FRY: variants seen among roughly 807,000 people sequenced by gnomAD.
The protein encoded by FRY is protein furry homolog.
Under a neutral mutation model 348.4 loss-of-function variants are expected in FRY, and 128 were observed. The observed-to-expected ratio is 0.37, with a 90% CI of 0.32 to 0.43. FRY has a LOEUF of 0.43. Among genes scored for constraint, FRY ranks in the 20% least tolerant of loss-of-function variants. The pLI, the probability that FRY is intolerant of heterozygous loss-of-function variation, is 1.00. For synonymous variants in FRY, 1,370 were observed against 1,374.7 expected (o/e 1.00, Z 0.08); for missense variants, 2,736 against 3,695.2 (o/e 0.74, Z 6.73).
In FRY at chr13:32,179,742, T is replaced by A; in HGVS notation, c.2939T>A (p.Ile980Asn). 6.2e-7 allele frequency: 1 copy of A among 1,613,476 alleles called. No homozygotes were observed. The highest frequency in any genetic ancestry group is 1.1e-5 in the South Asian group (1 of 91,074). ...QLVPLMRLESIEITESLVLGF... is the reference protein window; with the variant it reads ...QLVPLMRLESNEITESLVLGF... ...GTGCCTTTGATGAGACTAGAGAGCA[T>A]TGAGATCACAGAGTCCTTAGTTTTA... The change falls in exon 23 of 61, where the codon ATT becomes AAT. Residue 980 changes from isoleucine (I) to asparagine (N), a missense_variant. Around this residue, in one of 9 missense-constraint regions of FRY, gnomAD observed 449 missense variants for 576.9 expected, o/e 0.78. Coordinates refer to ENST00000542859, the MANE Select transcript of FRY (RefSeq NM_023037.3).
At chr13:32,161,392 A>G (rs1881436684) in intron 17 of FRY, 141 bp downstream of exon 17, 5 of 694,414 alleles carry the variant, frequency 7.2e-6, no homozygotes, top group East Asian at 2.7e-5. Flanking sequence ...CAAATTTTTA[A>G]AAATTATTTT....
Position 32,228,595 on chromosome 13 carries a change from G to A in FRY, c.5346G>A (p.Val1782=). 6.2e-6 allele frequency: 10 copies of A among 1,614,082 alleles called. No homozygotes were observed. The highest frequency in any genetic ancestry group is 8.5e-6 in the Non-Finnish European group (10 of 1,179,976). The change falls in exon 40 of 61, where the codon GTG becomes GTA. Residue 1782 remains valine, a synonymous_variant. Transcript: ENST00000542859. ...AGATGACCCAGGAGGTAGAAGATGTGGACACAGCTGCTGAAACAGATGAGA... is the reference window on the plus strand; with the variant it reads ...AGATGACCCAGGAGGTAGAAGATGTAGACACAGCTGCTGAAACAGATGAGA... ...LPQMTQEVED[V]DTAAETDEKA...
At chr13:32,180,389 C>CA (rs113158547) in intron 23 of FRY, among the ~76,000 whole-genome samples, 8 of 152,328 alleles carry the variant, frequency 5.3e-5, no homozygotes, top group African/African-American at 1.9e-4. Flanking sequence ...CCCGCGCCAC[C>CA]ACATCCAGCT....
At chr13:32,150,083 C>A (rs1390975510) in intron 14 of FRY, among the ~76,000 whole-genome samples, 1 of 152,174 alleles carries the variant, frequency 6.6e-6, no homozygotes, top group Non-Finnish European at 1.5e-5. Context: ...CAAAGTAATT[C>A]TTGCCCAAAA....
At chr13:32,252,813 C>T (rs1023294911) in intron 50 of FRY, among the ~76,000 whole-genome samples, 4 of 151,798 alleles carry the variant, frequency 2.6e-5, no homozygotes, top group African/African-American at 9.7e-5. Flanking sequence ...GGGAAAGCAC[C>T]CCAGCCAGCC....
intron 31 of FRY, among the ~76,000 whole-genome samples, chr13:32,203,689 C>G (rs1884180705): frequency 6.6e-6 from 1 of 151,690 alleles, no homozygotes. Flanking sequence ...TGCCATTCCA[C>G]TCCAGCCTAG....
intron 58 of FRY, among the ~76,000 whole-genome samples, chr13:32,281,621 TA>T (rs2138621072): frequency 6.6e-6 from 1 of 152,314 alleles, no homozygotes; most frequent in Non-Finnish European, 1.5e-5. Context: ...TGTTTCAGAA[TA>T]TTTCCAAATG....
At chr13:32,183,085 T>C (rs1481801520) in intron 24 of FRY, 51 bp downstream of exon 24, 2 of 1,098,352 alleles carry the variant, frequency 1.8e-6, no homozygotes, top group African/African-American at 3.1e-5. Flanking sequence ...GACAATCATC[T>C]GAATTTAAAT....
At chr13:32,242,337 C>T (rs993052205) in intron 46 of FRY, among the ~76,000 whole-genome samples, 2 of 152,058 alleles carry the variant, frequency 1.3e-5, no homozygotes, top group African/African-American at 4.8e-5. Context: ...ATAAAGATCC[C>T]CCCATTTGTA....
intron 38 of FRY, 106 bp from the exon 39 acceptor site, chr13:32,225,683 C>A (rs1203940722): frequency 2.1e-6 from 2 of 933,936 alleles, no homozygotes; most frequent in Non-Finnish European, 3.6e-6. Context: ...GAAAACTAAA[C>A]ATTCTTTTAA....
intron 53 of FRY, 86 bp downstream of exon 53, chr13:32,262,561 G>GGTCTC (rs1887713402): frequency 2.0e-6 from 2 of 995,436 alleles, no homozygotes; most frequent in Admixed American, 1.7e-5. Flanking sequence ...ATTCTTAAGG[G>GGTCTC]GTCTCAAGTA....
rs1419723691 is a variant in FRY, at chr13:32,239,397, G to T, written c.6516+48G>T. ...CAGGCAGATCCATAGAGGCCTTCAG[G>T]ACGCCCTAGTGTCAGGCAAATTACA... On this transcript the variant is annotated intron_variant, in intron 45 of 60. Coordinates refer to ENST00000542859, the MANE Select transcript of FRY (RefSeq NM_023037.3). The surrounding 1 kb of genome is among the most constrained non-coding windows in gnomAD (Gnocchi z 4.3). 6 of 1,150,176 alleles carry T rather than the reference G, an allele frequency of 5.2e-6. No homozygotes were observed. Among genetic ancestry groups the T allele is most frequent in the Non-Finnish European group, 7.9e-6 (6 of 756,182 alleles). 71.2% of individuals were successfully genotyped at this position (1,150,176 alleles called of 1,614,324 possible). A position where few individuals can be genotyped will look rare whatever the true frequency, so the allele number is the denominator to read the frequency against.
chr13:32,227,918 A>AT (rs1398669382), intron 39 of FRY, among the ~76,000 whole-genome samples: 4 of 151,992 alleles, frequency 2.6e-5, no homozygotes, highest in African/African-American at 4.8e-5. Flanking sequence ...CGCTCGGCTA[A>AT]TTTTTGTATT....
At chr13:32,130,729 T>C (rs964275827) in intron 7 of FRY, among the ~76,000 whole-genome samples, 3 of 152,144 alleles carry the variant, frequency 2.0e-5, no homozygotes, top group Non-Finnish European at 4.4e-5. Flanking sequence ...TTTGCACTTA[T>C]CAGATAAAAC....
At chr13:32,266,854 C>G (rs895840644) in intron 54 of FRY, among the ~76,000 whole-genome samples, 3 of 152,164 alleles carry the variant, frequency 2.0e-5, no homozygotes, top group Admixed American at 1.3e-4. Context: ...CATGGTAGCA[C>G]ACGCCTGTAG....
intron 2 of FRY, among the ~76,000 whole-genome samples, chr13:32,083,284 G>A (rs1420914637): frequency 6.6e-6 from 1 of 152,008 alleles, no homozygotes; most frequent in Admixed American, 6.5e-5. Flanking sequence ...GTGCTATTTA[G>A]TTCTCTTTGA....
At chr13:32,269,915 T>C (rs1281525346) in intron 55 of FRY, among the ~76,000 whole-genome samples, 3 of 152,234 alleles carry the variant, frequency 2.0e-5, no homozygotes, top group Non-Finnish European at 4.4e-5. Context: ...CTAGCTCACT[T>C]GGAGTCTTAC....
At chr13:32,274,500 C>A (rs529287934) in intron 55 of FRY, among the ~76,000 whole-genome samples, 13 of 148,998 alleles carry the variant, frequency 8.7e-5, no homozygotes, top group African/African-American at 2.8e-4. Context: ...AAGGTCAGAT[C>A]GAGACCATCC....
intron 21 of FRY, 117 bp downstream of exon 21, chr13:32,178,553 G>A (rs1233536374): frequency 8.5e-7 from 1 of 1,177,480 alleles, no homozygotes; most frequent in Non-Finnish European, 1.2e-6. Context: ...TCCTACTAGA[G>A]AATTCTTAAC....
Sources: allele counts gnomAD v4.1 joint callset (sites outside exome capture counted in the v4.1 genomes callset), GRCh38; gene constraint gnomAD v4.1.1; regional missense constraint gnomAD v4.1.1; non-coding constraint Gnocchi (gnomAD v3.1); transcripts MANE v1.5; gene names NCBI Gene and HGNC (gene_info 2026-07-23, HGNC 2026-07-21).